Variants in PER2 observed in about 807,000 individuals in gnomAD.
The protein encoded by PER2 is period circadian regulator 2.
Under a neutral mutation model 121.0 loss-of-function variants are expected in PER2, and 66 were observed. That is an observed-to-expected ratio of 0.55 (90% CI 0.45 to 0.67). PER2 has a LOEUF of 0.67. Ranked by LOEUF, PER2 falls within the 30% of genes least tolerant of loss-of-function variation. The probability of loss-of-function intolerance (pLI) is 0.00; values close to 1 mark genes in which losing one functional copy is unlikely to be tolerated. For synonymous variants in PER2, 684 were observed against 659.9 expected (o/e 1.04, Z -0.56); for missense variants, 1,521 against 1,635.0 (o/e 0.93, Z 1.20).
Position 238,265,528 on chromosome 2 carries a change from G to T in PER2, c.1030C>A (p.Gln344Lys). Reference sequence around the variant, plus strand: ...ACCACGTACCTTTCATCCACATCCTGGAACAAACAATTTGGTGTATGGGTG... The same window carrying T: ...ACCACGTACCTTTCATCCACATCCTTGAACAAACAATTTGGTGTATGGGTG... ...TTTHTPNCLFQDVDERAVPLL... is the reference protein window; with the variant it reads ...TTTHTPNCLFKDVDERAVPLL... Residue 344 changes from glutamine to lysine, a missense_variant, in exon 9 of 23, where the codon CAG becomes AAG. Transcript: ENST00000254657. The T allele has an allele frequency of 1.2e-6, 2 of 1,609,976 alleles. No individual in the cohort carries two copies. Among genetic ancestry groups the T allele is most frequent in the Non-Finnish European group, 1.7e-6 (2 of 1,176,278 alleles).
In PER2 at chr2:238,253,641, G is replaced by C. The variant is rs540740650; in HGVS notation, c.2382C>G (p.Asn794Lys). The change falls in exon 19 of 23, where the codon AAC becomes AAG. Residue 794 changes from asparagine to lysine, a missense_variant. Physicochemically the swap from Asn to Lys is moderately conservative, Grantham distance 94 (BLOSUM62 0). Transcript: ENST00000254657. This position sits in a 1 kb window ranked among gnomAD's most constrained non-coding sequence, Gnocchi z 5.6. ...IDSPWKKTGK[N>K]RKLKSKRVKP... ...TGACCCGCTTGGACTTCAATTTTCT[G>C]TTCTTTCCTGTTTTTTTCCAAGGTG... The C allele has an allele frequency of 1.1e-4, 182 of 1,608,990 alleles. No homozygotes were observed. The highest frequency in any genetic ancestry group is 1.5e-4 in the Non-Finnish European group (172 of 1,177,444).
intron 22 of PER2, 51 bp downstream of exon 22, chr2:238,249,011 C>T (rs750826485): frequency 6.3e-7 from 1 of 1,576,604 alleles, no homozygotes; most frequent in Non-Finnish European, 8.7e-7. Context: ...AGAGAATCCC[C>T]ATCACAGAGC....
intron 5 of PER2, among the ~76,000 whole-genome samples, chr2:238,272,157 A>C (rs115480853): frequency 3.4e-4 from 52 of 152,304 alleles, no homozygotes; most frequent in South Asian, 8.3e-4. Context: ...AGATACTGGG[A>C]GGTCCAGCAT....
chr2:238,290,404 A>C (rs111934460), upstream of PER2, among the ~76,000 whole-genome samples: 1,566 of 151,848 alleles, frequency 0.01, 39 homozygotes, highest in African/African-American at 0.037. Flanking sequence ...GTCAATGGGG[A>C]GCTCCATTGT....
In PER2 at chr2:238,252,928, G is replaced by A. The variant is rs777735864; in HGVS notation, c.3095C>T (p.Pro1032Leu). The change falls in exon 19 of 23, where the codon CCG (proline) becomes CTG (leucine). Residue 1032 changes from proline to leucine, a missense_variant. Pro to Leu is a moderately conservative substitution (Grantham distance 98). Transcript: ENST00000254657. The surrounding 1 kb of genome is among the most constrained non-coding windows in gnomAD (Gnocchi z 4.2). ...CKPGTSRDQQ[P>L]KAPLTRDEPS... ...AATCCTTACGGTCAGAGGCGCCTTC[G>A]GCTGCTGGTCCCGAGAAGTGCCAGG... 14 of 1,613,570 alleles carry A rather than the reference G, an allele frequency of 8.7e-6. No individual in the cohort carries two copies. The highest frequency in any genetic ancestry group is 1.8e-4 in the Middle Eastern group (1 of 5,700).
In PER2 at chr2:238,250,751, A is replaced by G; in HGVS notation, c.3275-8T>C. ...GACTTGTGTCACTACTGCCTTTAAA[A>G]ACAAAAAACGTGGTGCGTCAAAACA... is the stretch of plus-strand genomic sequence containing the variant. On this transcript the variant is annotated splice_polypyrimidine_tract_variant and splice_region_variant and intron_variant, in intron 20 of 22. Transcript: ENST00000254657. The G allele has an allele frequency of 6.2e-7, 1 of 1,603,386 alleles. No homozygotes were observed. Among genetic ancestry groups the G allele is most frequent in the East Asian group, 2.2e-5 (1 of 44,852 alleles).
In PER2 at chr2:238,245,060, A is replaced by AAG. The variant is rs1695410463; in HGVS notation, c.*1314_*1315insCT. The AAG allele has an allele frequency of 1.3e-5, 2 of 150,982 alleles. No homozygotes were observed. Among genetic ancestry groups the AAG allele is most frequent in the African/African-American group, 4.9e-5 (2 of 41,172 alleles). 9.4% of individuals were successfully genotyped at this position (150,982 alleles called of 1,614,324 possible). ...CTCCATCTAAAAAAAAAAAAAAAAA[A>AAG]AAAAAAAAAAGAAAACCCTGGTCCC... is the stretch of plus-strand genomic sequence containing the variant. On this transcript the variant is annotated 3_prime_UTR_variant, in exon 23 of 23. Coordinates refer to ENST00000254657, the MANE Select transcript of PER2 (RefSeq NM_022817.3).
chr2:238,268,158 A>C lies in PER2; in HGVS notation c.865T>G (p.Phe289Val), dbSNP rs1392541464. 6.2e-7 allele frequency: 1 copy of C among 1,614,088 alleles called. No homozygotes were observed. Among genetic ancestry groups the C allele is most frequent in the East Asian group, 2.2e-5 (1 of 44,876 alleles). The change falls in exon 8 of 23, where the codon TTC (phenylalanine) becomes GTC (valine). Residue 289 changes from phenylalanine (F) to valine (V), a missense_variant. By Grantham distance (50) the Phe-to-Val change is conservative. Coordinates refer to ENST00000254657, the MANE Select transcript of PER2 (RefSeq NM_022817.3). This position sits in a 1 kb window ranked among gnomAD's most constrained non-coding sequence, Gnocchi z 4.0. ...SHENEIRYHP[F>V]RMTPYLVKVR... ...TTGACCAGGTAGGGCGTCATGCGGA[A>C]GGGGTGGTAGCGGATTTCATTCTCG... is the stretch of plus-strand genomic sequence containing the variant.
Position 238,250,698 on chromosome 2 carries a change from T to C in PER2, c.3320A>G (p.Asp1107Gly). Residue 1107 changes from aspartate (D) to glycine (G), a missense_variant, in exon 21 of 23, where the codon GAC becomes GGC. Asp to Gly is a moderately conservative substitution (Grantham distance 94). Transcript: ENST00000254657. ...TGCTTTGTGATTATTCTCTGAGGAG[T>C]CAATGCTTCCAAAATATTTGCTGGT... ...SHTSKYFGSI[D>G]SSENNHKAKM... is the part of the protein sequence containing the mutation. The C allele has an allele frequency of 6.2e-7, 1 of 1,613,882 alleles. No individual in the cohort carries two copies. The highest frequency in any genetic ancestry group is 2.2e-5 in the East Asian group (1 of 44,888).
intron 1 of PER2, among the ~76,000 whole-genome samples, chr2:238,284,182 A>G (rs997340673): frequency 6.6e-6 from 1 of 152,108 alleles, no homozygotes; most frequent in Non-Finnish European, 1.5e-5. Flanking sequence ...GGTGGCTCAC[A>G]CCTGTAATCC....
intron 1 of PER2, among the ~76,000 whole-genome samples, chr2:238,286,916 T>TA (rs1374439893): frequency 1.3e-5 from 2 of 152,204 alleles, no homozygotes; most frequent in East Asian, 3.9e-4. Context: ...AGGAGAACAT[T>TA]ACTTGGCCCA....
Position 238,250,589 on chromosome 2 carries a change from C to T in PER2, c.3429G>A (p.Ala1143=), listed in dbSNP as rs773114025. 4 of 1,613,638 alleles carry T rather than the reference C, an allele frequency of 2.5e-6. No individual in the cohort carries two copies. The highest frequency in any genetic ancestry group is 4.5e-5 in the East Asian group (2 of 44,870). The part of the protein sequence containing the change: ...QDPIWLLMAD[A]DSSVMMTYQL... ...GGTACGTCATCATGACGCTGCTGTC[C>T]GCATCTGCCATCAGCAGCCAGATGG... Residue 1143 remains alanine, a synonymous_variant, in exon 21 of 23, where the codon GCG becomes GCA. Coordinates refer to ENST00000254657, the MANE Select transcript of PER2 (RefSeq NM_022817.3).
Position 238,268,128 on chromosome 2 carries a change from G to A in PER2, c.895C>T (p.Arg299Trp), listed in dbSNP as rs201149361. ...FRMTPYLVKV[R>W]DQQGAESQLC... ...TGACTCTCAGCACCTTGTTGGTCCC[G>A]CACCTTGACCAGGTAGGGCGTCATG... Residue 299 changes from arginine (R) to tryptophan (W), a missense_variant, in exon 8 of 23, where the codon CGG becomes TGG. Arg to Trp is a moderately radical substitution (Grantham distance 101). Transcript: ENST00000254657. This position sits in a 1 kb window ranked among gnomAD's most constrained non-coding sequence, Gnocchi z 4.0. 3.0e-5 allele frequency: 48 copies of A among 1,613,846 alleles called. No homozygotes were observed. Among genetic ancestry groups the A allele is most frequent in the Non-Finnish European group, 3.8e-5 (45 of 1,179,888 alleles).
At chr2:238,267,679 C>T (rs1424690308) in intron 8 of PER2, among the ~76,000 whole-genome samples, 1 of 152,122 alleles carries the variant, frequency 6.6e-6, no homozygotes, top group Non-Finnish European at 1.5e-5. Context: ...TTCACAGGGG[C>T]CCATGAGGCT....
chr2:238,251,899 G>A lies in PER2; in HGVS notation c.3112-138C>T, dbSNP rs1220760496. 1.2e-5 allele frequency: 9 copies of A among 771,764 alleles called. No homozygotes were observed. In the African/African-American group the frequency reaches 1.2e-4, roughly 10 times the overall value. The allele number at this position is 771,764 out of a possible 1,614,324, so 47.8% of individuals were successfully genotyped here. A position where few individuals can be genotyped will look rare whatever the true frequency, so the allele number is the denominator to read the frequency against. On this transcript the variant is annotated intron_variant, in intron 19 of 22. Coordinates refer to ENST00000254657, the MANE Select transcript of PER2 (RefSeq NM_022817.3). ...AGCGGCTGCAAGGTTCACGGCCAGG[G>A]ACGGCCTAACGAGCAGACCACGCAT...
intron 1 of PER2, among the ~76,000 whole-genome samples, chr2:238,279,010 C>G (rs1696546543): frequency 6.6e-6 from 1 of 151,962 alleles, no homozygotes; most frequent in Admixed American, 6.6e-5. Context: ...TAGAGACAGA[C>G]CAGCGATCAT....
At chr2:238,262,145 C>G (rs769671539) in intron 11 of PER2, 46 bp downstream of exon 11, 1 of 1,589,714 alleles carries the variant, frequency 6.3e-7, no homozygotes, top group Non-Finnish European at 8.6e-7. Context: ...AGCCCGAGAC[C>G]CCCGCCCAAG....
chr2:238,271,823 C>T (rs922512093), intron 5 of PER2, among the ~76,000 whole-genome samples: 1 of 152,152 alleles, frequency 6.6e-6, no homozygotes. Context: ...CAACCAGAAA[C>T]ATTCCAAACT....
chr2:238,250,509 C>T, intron 21 of PER2, 42 bp downstream of exon 21: 1 of 1,441,856 alleles, frequency 6.9e-7, no homozygotes, highest in South Asian at 1.2e-5. Flanking sequence ...GCTCCTGAAC[C>T]CCATCCCTCC....
Sources: gnomAD v4.1 joint callset for allele counts (sites outside exome capture counted in the v4.1 genomes callset) on GRCh38, gnomAD v4.1.1 for gene constraint, Gnocchi (gnomAD v3.1) non-coding constraint, MANE v1.5 for transcripts, NCBI Gene and HGNC (gene_info 2026-07-23, HGNC 2026-07-21) for gene names.